Variants in RAD54B observed in about 807,000 individuals in gnomAD.
RAD54B encodes the protein DNA repair and recombination protein RAD54B.
In RAD54B, 78 loss-of-function variants were observed where a neutral mutation model predicts 95.8. That is an observed-to-expected ratio of 0.81 (90% confidence interval 0.68 to 0.98). RAD54B has a LOEUF of 0.98. Ranked by LOEUF, RAD54B falls within the 50% of genes least tolerant of loss-of-function variation. The pLI, the probability that RAD54B is intolerant of heterozygous loss-of-function variation, is 0.00. For synonymous variants in RAD54B, 328 were observed against 354.9 expected, an observed-to-expected ratio of 0.92 and a Z score of 0.85; for missense variants, 957 against 1,056.6, an observed-to-expected ratio of 0.91 and a Z score of 1.31.
At chr8:94,430,633 G>A in intron 3 of RAD54B, 2 of 609,184 alleles carry the variant, frequency 3.3e-6, no homozygotes, top group Non-Finnish European at 4.1e-6. Context: ...GAAAACCATT[G>A]GTCTACTCCA....
At chr8:94,436,387 G>T in intron 3 of RAD54B, 1 of 1,311,970 alleles carries the variant, frequency 7.6e-7, no homozygotes, top group Non-Finnish European at 1.0e-6. Flanking sequence ...ACTATTCATT[G>T]CTCCCGTTGT....
intron 6 of RAD54B, among the ~76,000 whole-genome samples, chr8:94,401,530 T>C (rs1811268555): frequency 6.6e-6 from 1 of 151,166 alleles, no homozygotes; most frequent in African/African-American, 2.5e-5. Context: ...TGAGTGTTTA[T>C]GTTATCAGTA....
intron 3 of RAD54B, chr8:94,436,489 G>A (rs1812266401): frequency 6.5e-7 from 1 of 1,534,400 alleles, no homozygotes; most frequent in Non-Finnish European, 8.8e-7. Flanking sequence ...ACAAAATAAA[G>A]CTTACCTTTG....
chr8:94,457,572 A>G (rs1454451301), intron 3 of RAD54B, among the ~76,000 whole-genome samples: 3 of 152,362 alleles, frequency 2.0e-5, no homozygotes, highest in East Asian at 3.9e-4. Flanking sequence ...CACTGGTATC[A>G]TAAGGATGGC....
intron 3 of RAD54B, among the ~76,000 whole-genome samples, chr8:94,449,298 T>A (rs1320210099): frequency 6.6e-6 from 1 of 150,440 alleles, no homozygotes; most frequent in Non-Finnish European, 1.5e-5. Flanking sequence ...GAGTGACCCA[T>A]CTAAAAAATA....
chr8:94,380,019 T>C, intron 12 of RAD54B, 126 bp downstream of exon 12: 1 of 1,033,524 alleles, frequency 9.7e-7, no homozygotes, highest in Non-Finnish European at 1.4e-6. Context: ...CTTAGGAGAG[T>C]GCCTCACGCA....
intron 3 of RAD54B, chr8:94,427,913 C>G: frequency 1.1e-6 from 1 of 926,768 alleles, no homozygotes; most frequent in Non-Finnish European, 1.3e-6. Context: ...AAAGATAGAA[C>G]AGGGTAGAAT....
intron 11 of RAD54B, 34 bp from the exon 12 acceptor site, chr8:94,380,440 T>C (rs1810711242): frequency 6.4e-7 from 1 of 1,553,308 alleles, no homozygotes; most frequent in African/African-American, 1.4e-5. Flanking sequence ...TTTAGATAAA[T>C]TTAAAGGCAG....
At chr8:94,464,543 G>A (rs920500704) in intron 2 of RAD54B, among the ~76,000 whole-genome samples, 13 of 152,158 alleles carry the variant, frequency 8.5e-5, no homozygotes, top group African/African-American at 3.1e-4. Flanking sequence ...AGAGAAAACT[G>A]ATATTTCAGC....
chr8:94,466,927 CATTG>C (rs1397117544), intron 2 of RAD54B, among the ~76,000 whole-genome samples: 1 of 152,038 alleles, frequency 6.6e-6, no homozygotes, highest in African/African-American at 2.4e-5. Flanking sequence ...CATGTTATTC[CATTG>C]ATTGATTGAA....
At chr8:94,471,184 G>A (rs752333632) in intron 1 of RAD54B, among the ~76,000 whole-genome samples, 9 of 148,946 alleles carry the variant, frequency 6.0e-5, no homozygotes, top group East Asian at 3.9e-4. Context: ...GAAATCTTAC[G>A]TACAATTCAT....
chr8:94,435,755 G>T (rs1260590651), intron 3 of RAD54B, among the ~76,000 whole-genome samples: 7 of 151,552 alleles, frequency 4.6e-5, no homozygotes, highest in African/African-American at 7.3e-5. Flanking sequence ...TTCATAATTT[G>T]ATATCCTTGC....
intron 2 of RAD54B, among the ~76,000 whole-genome samples, chr8:94,461,160 C>CTTTTT (rs57563259): frequency 3.7e-4 from 22 of 59,984 alleles, no homozygotes; most frequent in African/African-American, 6.2e-4. Context: ...AAATACTCAT[C>CTTTTT]TTTTTTTTTT....
chr8:94,393,013 G>A lies in RAD54B; in HGVS notation c.1518+730C>T, dbSNP rs555870758. 8.0e-5 allele frequency among the ~76,000 whole-genome samples: 12 copies of A among 150,818 alleles called. No homozygotes were observed. In the East Asian group the frequency reaches 1.6e-3, roughly 20 times the overall value. On this transcript the variant is annotated intron_variant, in intron 9 of 14. Transcript: ENST00000336148. ...TAATTTTTGTATTTTTAGTAGAGACGGGGTTTCACCATGTTGGCCAGGATG... is the reference window on the plus strand; with the variant it reads ...TAATTTTTGTATTTTTAGTAGAGACAGGGTTTCACCATGTTGGCCAGGATG...
At position 94,432,728 on chromosome 8, in the gene RAD54B, T is replaced by A; in HGVS notation, c.305-21413A>T. The A allele has an allele frequency of 2.2e-6, 3 of 1,376,528 alleles. No homozygotes were observed. In the South Asian group the frequency reaches 6.0e-5, roughly 27 times the overall value. 85.3% of individuals were successfully genotyped at this position (1,376,528 alleles called of 1,614,324 possible). On this transcript the variant is annotated intron_variant, in intron 3 of 14. Coordinates refer to ENST00000336148, the MANE Select transcript of RAD54B (RefSeq NM_012415.3). ...AAAGTGTATATTTATAGCATAATTT[T>A]AATTTAATGTACATTAAATGATAAA...
At chr8:94,449,422 C>A (rs1207702715) in intron 3 of RAD54B, among the ~76,000 whole-genome samples, 11 of 151,888 alleles carry the variant, frequency 7.2e-5, no homozygotes, top group Non-Finnish European at 1.6e-4. Flanking sequence ...AGCTGGCCAA[C>A]ATGGTGAAAC....
chr8:94,437,069 C>G, intron 3 of RAD54B: 1 of 1,009,264 alleles, frequency 9.9e-7, no homozygotes, highest in South Asian at 3.0e-5. Context: ...CAAGCCTGAC[C>G]TACATAAAGC....
At chr8:94,399,302 G>C (rs961480828) in intron 8 of RAD54B, 112 bp downstream of exon 8, 5 of 797,552 alleles carry the variant, frequency 6.3e-6, no homozygotes, top group Middle Eastern at 2.6e-4. Flanking sequence ...AGGTTTATTA[G>C]TATAAATTCC....
chr8:94,432,780 A>T, intron 3 of RAD54B: 3 of 1,190,104 alleles, frequency 2.5e-6, no homozygotes, highest in Admixed American at 3.6e-5. Flanking sequence ...GTTACAAAAT[A>T]AAAAAAAATC....
Sources: gnomAD v4.1 joint callset for allele counts (sites outside exome capture counted in the v4.1 genomes callset) on GRCh38, gnomAD v4.1.1 for gene constraint, MANE v1.5 for transcripts, NCBI Gene and HGNC (gene_info 2026-07-23, HGNC 2026-07-21) for gene names.